TMEM39A: variants seen among roughly 807,000 people sequenced by gnomAD.
The protein encoded by TMEM39A is suppressor of SQST-1 aggregates in rpl-43 mutants.
Under a neutral mutation model 51.9 loss-of-function variants are expected in TMEM39A, and 19 were observed. The ratio of observed to expected loss-of-function variants is 0.37; its 90% CI spans 0.26 to 0.54. The LOEUF (loss-of-function observed/expected upper bound fraction) is 0.54. Among genes scored for constraint, TMEM39A ranks in the 20% least tolerant of loss-of-function variants. The probability of loss-of-function intolerance (pLI) is 0.88; values close to 1 mark genes in which losing one functional copy is unlikely to be tolerated. For missense variants in TMEM39A, 433 were observed against 590.5 expected (o/e 0.73, Z 2.76); for synonymous variants, 197 against 220.2 (o/e 0.89, Z 0.93).
intron 2 of TMEM39A, 59 bp downstream of exon 2, chr3:119,461,903 A>G: frequency 7.7e-7 from 1 of 1,306,876 alleles, no homozygotes; most frequent in Non-Finnish European, 1.1e-6. Flanking sequence ...GATGACTTTT[A>G]TGTTAGTCTT....
At chr3:119,441,358 G>A (rs1398304584) in intron 5 of TMEM39A, among the ~76,000 whole-genome samples, 1 of 152,052 alleles carries the variant, frequency 6.6e-6, no homozygotes, top group Non-Finnish European at 1.5e-5. Context: ...GAAATTAAAA[G>A]TGCTACTCCA....
chr3:119,445,023 T>C (rs2081104480), intron 5 of TMEM39A, among the ~76,000 whole-genome samples: 1 of 151,768 alleles, frequency 6.6e-6, no homozygotes, highest in Non-Finnish European at 1.5e-5. Flanking sequence ...AAGGCTGCAG[T>C]GAGCTGAGAT....
At chr3:119,456,302 TAAAAA>T (rs35348823) in intron 3 of TMEM39A, among the ~76,000 whole-genome samples, 2 of 151,568 alleles carry the variant, frequency 1.3e-5, no homozygotes, top group African/African-American at 4.8e-5. Flanking sequence ...AAAAAAGACT[TAAAAA>T]AAAATTTGGC....
intron 4 of TMEM39A, among the ~76,000 whole-genome samples, chr3:119,448,661 A>G (rs1488551878): frequency 6.6e-6 from 1 of 152,256 alleles, no homozygotes; most frequent in Admixed American, 6.5e-5. Context: ...ATAGCTTCAT[A>G]TAACTCCCCT....
chr3:119,450,892 C>T (rs1385920268), intron 4 of TMEM39A, among the ~76,000 whole-genome samples: 1 of 147,146 alleles, frequency 6.8e-6, no homozygotes, highest in Non-Finnish European at 1.5e-5. Flanking sequence ...GCAAAAGCTG[C>T]TATACTACTT....
chr3:119,454,380 T>C (rs1450278112), intron 3 of TMEM39A, among the ~76,000 whole-genome samples: 2 of 152,206 alleles, frequency 1.3e-5, no homozygotes, highest in African/African-American at 4.8e-5. Flanking sequence ...CCTCCTATTT[T>C]TGGGACTCCT....
At chr3:119,462,993 G>A (rs1489583466) in intron 1 of TMEM39A, among the ~76,000 whole-genome samples, 1 of 152,020 alleles carries the variant, frequency 6.6e-6, no homozygotes, top group African/African-American at 2.4e-5. Flanking sequence ...AAAACCCAAG[G>A]ATGACACTGG....
intron 2 of TMEM39A, among the ~76,000 whole-genome samples, chr3:119,459,440 A>C (rs990224886): frequency 4.6e-5 from 7 of 152,240 alleles, no homozygotes; most frequent in Non-Finnish European, 1.0e-4. Context: ...AGGTAGGGAA[A>C]GCAGTGGTCA....
At position 119,434,770 on chromosome 3, in the gene TMEM39A, G is replaced by A. The variant is rs763060769; in HGVS notation, c.1225C>T (p.Arg409Cys). 8 of 1,613,400 alleles carry A rather than the reference G, an allele frequency of 5.0e-6. No individual in the cohort carries two copies. The highest frequency in any genetic ancestry group is 4.0e-5 in the African/African-American group (3 of 74,866). Reference sequence around the variant, plus strand: ...AAATAAGCGGTACTTGCATAAAAGCGGGCATGAGATACATCTGAAGGCACT... The same window carrying A: ...AAATAAGCGGTACTTGCATAAAAGCAGGCATGAGATACATCTGAAGGCACT... ...VAVPSDVSHA[R>C]FYFLFHRPLR... The change falls in exon 8 of 9, where the codon CGC becomes TGC. Residue 409 changes from arginine to cysteine, a missense_variant. Coordinates refer to ENST00000319172, the MANE Select transcript of TMEM39A (RefSeq NM_018266.3).
chr3:119,458,105 C>G lies in TMEM39A; in HGVS notation c.249G>C (p.Leu83=), dbSNP rs2081289915. The change falls in exon 3 of 9, where the codon CTG becomes CTC. Residue 83 remains leucine, a synonymous_variant. Coordinates refer to ENST00000319172, the MANE Select transcript of TMEM39A (RefSeq NM_018266.3). ...LLFEFLFFIY[L]LVALFIQYIN... is the part of the protein sequence containing the mutation. ...TGTACTGAATGAAAAGAGCAACCAA[C>G]AGGTAGATGAAAAAAAGGAATTCAA... 2.5e-6 allele frequency: 4 copies of G among 1,614,058 alleles called. No individual in the cohort carries two copies. Among genetic ancestry groups the G allele is most frequent in the Admixed American group, 3.3e-5 (2 of 60,022 alleles).
chr3:119,446,838 C>G (rs1184873701), intron 5 of TMEM39A, 180 bp downstream of exon 5: 1 of 686,528 alleles, frequency 1.5e-6, no homozygotes, highest in Non-Finnish European at 2.4e-6. Context: ...GCCTGTTGTC[C>G]CAACTGTACT....
At chr3:119,434,733 A>G (rs1313764784) in intron 8 of TMEM39A, 29 bp downstream of exon 8, 2 of 1,612,180 alleles carry the variant, frequency 1.2e-6, no homozygotes, top group Admixed American at 3.3e-5. Context: ...CCCTAAGCTT[A>G]TGTTTGAAAA....
intron 7 of TMEM39A, chr3:119,435,738 G>A (rs2107659590): frequency 9.9e-7 from 1 of 1,014,100 alleles, no homozygotes; most frequent in Non-Finnish European, 1.2e-6. Flanking sequence ...TGTTCCACCG[G>A]CCTTGCTCAC....
chr3:119,457,039 C>T lies in TMEM39A; in HGVS notation c.336+979G>A, dbSNP rs918006909. Among the ~76,000 whole-genome samples, 6 of 149,522 alleles carry T rather than the reference C, an allele frequency of 4.0e-5. No homozygotes were observed. In the East Asian group the frequency reaches 7.9e-4, roughly 20 times the overall value. ...AGGCTGGAGTGCAGCGGCTCGATTT[C>T]GGCTCACTGCAAGCTCCACCTCCCG... On this transcript the variant is annotated intron_variant, in intron 3 of 8. Transcript: ENST00000319172.
intron 2 of TMEM39A, 89 bp from the exon 3 acceptor site, chr3:119,458,329 C>T: frequency 5.7e-6 from 6 of 1,061,112 alleles, no homozygotes; most frequent in Non-Finnish European, 8.4e-6. Flanking sequence ...TCCATCTACC[C>T]CTTCACTGTC....
At chr3:119,450,677 C>T (rs1399462604) in intron 4 of TMEM39A, among the ~76,000 whole-genome samples, 2 of 151,780 alleles carry the variant, frequency 1.3e-5, no homozygotes, top group African/African-American at 4.8e-5. Context: ...CAAAAATTAG[C>T]TGGGTATGGT....
At chr3:119,460,968 C>T (rs1416792608) in intron 2 of TMEM39A, among the ~76,000 whole-genome samples, 1 of 151,992 alleles carries the variant, frequency 6.6e-6, no homozygotes, top group East Asian at 1.9e-4. Flanking sequence ...TAAAATAATA[C>T]TTATTTGTAG....
rs1165335167 is a variant in TMEM39A at position 119,431,369 on chromosome 3, C to T, written c.*612G>A. The T allele has an allele frequency of 6.6e-6, 1 of 152,106 alleles. No homozygotes were observed. Among genetic ancestry groups the T allele is most frequent in the East Asian group, 1.9e-4 (1 of 5,202 alleles). The allele number at this position is 152,106 out of a possible 1,614,324, so 9.4% of individuals were successfully genotyped here. A position where few individuals can be genotyped will look rare whatever the true frequency, so the allele number is the denominator to read the frequency against. Reference sequence around the variant, plus strand: ...AACACAGGAAAAGTGGCAGCAAAACCCTCAGCCTCAGGATAGTAGCTTATT... The same window carrying T: ...AACACAGGAAAAGTGGCAGCAAAACTCTCAGCCTCAGGATAGTAGCTTATT... On this transcript the variant is annotated 3_prime_UTR_variant, in exon 9 of 9. Coordinates refer to ENST00000319172, the MANE Select transcript of TMEM39A (RefSeq NM_018266.3).
At chr3:119,453,321 CT>C (rs904890840) in intron 3 of TMEM39A, among the ~76,000 whole-genome samples, 2 of 152,224 alleles carry the variant, frequency 1.3e-5, no homozygotes, top group Non-Finnish European at 2.9e-5. Flanking sequence ...CTCCTTCACA[CT>C]AAAGATACAG....
Sources: allele counts gnomAD v4.1 joint callset (sites outside exome capture counted in the v4.1 genomes callset), GRCh38; gene constraint gnomAD v4.1.1; transcripts MANE v1.5; gene names NCBI Gene and HGNC (gene_info 2026-07-23, HGNC 2026-07-21).